The following GOLGA3 variants were observed in gnomAD, a reference collection of about 807,000 sequenced individuals.
GOLGA3 encodes golgin subfamily A member 3.
In GOLGA3, 75 loss-of-function variants were observed where a neutral mutation model predicts 169.4. The observed-to-expected ratio is 0.44, with a 90% CI of 0.37 to 0.54. The LOEUF (loss-of-function observed/expected upper bound fraction) is 0.54. GOLGA3 is among the 20% of genes least tolerant of loss of function. The pLI is 0.00. For missense variants in GOLGA3, 1,899 were observed against 1,930.0 expected (o/e 0.98, Z 0.30); for synonymous variants, 824 against 822.4 (o/e 1.00, Z -0.03).
At chr12:132,773,430 C>CTTTTT in intron 23 of GOLGA3, 136 bp from the exon 24 acceptor site, 2 of 520,742 alleles carry the variant, frequency 3.8e-6, no homozygotes, top group South Asian at 2.7e-5. Context: ...ACTGAGACCA[C>CTTTTT]AGAAGCTCAG....
Position 132,774,870 on chromosome 12 carries a change from G to C in GOLGA3, c.4143+271C>G, listed in dbSNP as rs147850891. ...CCCTTCACACACAGCAGGGACTGCC[G>C]AGTCACAGACCACCGCTCATCTGCT... On this transcript the variant is annotated intron_variant, in intron 22 of 23. Coordinates refer to ENST00000450791, the MANE Select transcript of GOLGA3 (RefSeq NM_001389683.1). The C allele has an allele frequency of 1.1e-5, 6 of 527,000 alleles. No individual in the cohort carries two copies. In the African/African-American group the frequency reaches 1.2e-4, roughly 10 times the overall value. The allele number at this position is 527,000 out of a possible 1,614,324, so 32.6% of individuals were successfully genotyped here.
intron 1 of GOLGA3, among the ~76,000 whole-genome samples, chr12:132,823,294 A>G (rs115546102): frequency 2.3e-3 from 347 of 152,374 alleles, no homozygotes; most frequent in African/African-American, 7.6e-3. Context: ...TGCTGGTGAT[A>G]TTATTAACTC....
chr12:132,807,532 G>A (rs1188245476), intron 5 of GOLGA3, among the ~76,000 whole-genome samples: 2 of 152,126 alleles, frequency 1.3e-5, no homozygotes, highest in Non-Finnish European at 2.9e-5. Flanking sequence ...GTGCAGCTTA[G>A]TGACAAGTCT....
At position 132,791,236 on chromosome 12, in the gene GOLGA3, CCTTT is replaced by C. The variant is rs755620624; in HGVS notation, c.2523_2526del (p.Ile841MetfsTer9). On this transcript the variant is annotated frameshift_variant, in exon 12 of 24. Transcript: ENST00000450791. LOFTEE classifies it high-confidence loss of function. ...TTTACCTTTTGTTGGAGAAACTGTTCCTTTATTTTTTGCATTTGCTTTTTCAGAG... is the reference window on the plus strand; with the variant it reads ...TTTACCTTTTGTTGGAGAAACTGTTCATTTTTTGCATTTGCTTTTTCAGAG... 6.2e-7 allele frequency: 1 copy of C among 1,601,712 alleles called. No homozygotes were observed. The highest frequency in any genetic ancestry group is 1.1e-5 in the South Asian group (1 of 90,626).
chr12:132,809,949 G>A (rs1052362582), intron 4 of GOLGA3, among the ~76,000 whole-genome samples: 4 of 152,018 alleles, frequency 2.6e-5, no homozygotes, highest in African/African-American at 9.7e-5. Flanking sequence ...GATAAACATA[G>A]AAATTTTCTT....
intron 17 of GOLGA3, among the ~76,000 whole-genome samples, chr12:132,781,622 T>C (rs1310290645): frequency 2.0e-5 from 3 of 152,192 alleles, no homozygotes; most frequent in East Asian, 3.9e-4. Flanking sequence ...AATCAGGGGC[T>C]GCAGCCGGGT....
In GOLGA3 at chr12:132,771,886, C is replaced by A. The variant is rs141023897; in HGVS notation, c.*1219G>T. 0.022 allele frequency: 3,430 copies of A among 152,892 alleles called. 75 individuals carry two copies. The highest frequency in any genetic ancestry group is 0.037 in the Non-Finnish European group (2,519 of 68,380). The allele number at this position is 152,892 out of a possible 1,614,324, so 9.5% of individuals were successfully genotyped here. Reference sequence around the variant, plus strand: ...TCCACCGGCCTCTCCCTGTGCCCCCCCAAAGGTCAGATCAGATATGGGGCC... The same window carrying A: ...TCCACCGGCCTCTCCCTGTGCCCCCACAAAGGTCAGATCAGATATGGGGCC... On this transcript the variant is annotated 3_prime_UTR_variant, in exon 24 of 24. Coordinates refer to ENST00000450791, the MANE Select transcript of GOLGA3 (RefSeq NM_001389683.1).
At position 132,822,072 on chromosome 12, in the gene GOLGA3, G is replaced by GA. The variant is rs1418365679; in HGVS notation, c.56_57insT (p.Ser21LeufsTer18). On this transcript the variant is annotated frameshift_variant, in exon 2 of 24. Coordinates refer to ENST00000450791, the MANE Select transcript of GOLGA3 (RefSeq NM_001389683.1). LOFTEE classifies it high-confidence loss of function. ...GTGGGGCCTCGGGGAGAGACGAGGG[G>GA]CCACTGTGGGATCTGTCCTCCTGGA... 2 of 1,606,766 alleles carry GA rather than the reference G, an allele frequency of 1.2e-6. No homozygotes were observed. Among genetic ancestry groups the GA allele is most frequent in the Non-Finnish European group, 1.7e-6 (2 of 1,177,350 alleles).
rs2044823419 is a variant in GOLGA3 at position 132,769,891 on chromosome 12, A to G, written c.*3214T>C. 1 of 152,226 alleles carries G rather than the reference A, an allele frequency of 6.6e-6. No homozygotes were observed. The highest frequency in any genetic ancestry group is 2.4e-5 in the African/African-American group (1 of 41,460). 9.4% of individuals were successfully genotyped at this position (152,226 alleles called of 1,614,324 possible). A position where few individuals can be genotyped will look rare whatever the true frequency, so the allele number is the denominator to read the frequency against. On this transcript the variant is annotated 3_prime_UTR_variant, in exon 24 of 24. Coordinates refer to ENST00000450791, the MANE Select transcript of GOLGA3 (RefSeq NM_001389683.1). Reference sequence around the variant, plus strand: ...AACTCTGGAAGGTAGAAGTGCCGGGAGAGTCCCTTGGAGATAAAAAAACCT... The same window carrying G: ...AACTCTGGAAGGTAGAAGTGCCGGGGGAGTCCCTTGGAGATAAAAAAACCT...
intron 17 of GOLGA3, 23 bp downstream of exon 17, chr12:132,782,273 G>T: frequency 6.3e-7 from 1 of 1,590,232 alleles, no homozygotes; most frequent in Non-Finnish European, 8.6e-7. Flanking sequence ...CGTTGCTGGC[G>T]TGAGTTTGAC....
intron 23 of GOLGA3, among the ~76,000 whole-genome samples, chr12:132,773,506 C>T (rs1446879729): frequency 1.3e-5 from 2 of 152,350 alleles, no homozygotes; most frequent in African/African-American, 2.4e-5. Flanking sequence ...CCTGACCAGG[C>T]GGCAGGGTGG....
At position 132,777,428 on chromosome 12, in the gene GOLGA3, G is replaced by A. The variant is rs1238452504; in HGVS notation, c.3722+238C>T. 3.3e-5 allele frequency among the ~76,000 whole-genome samples: 5 copies of A among 152,164 alleles called. No homozygotes were observed. The highest frequency in any genetic ancestry group is 2.1e-4 in the South Asian group (1 of 4,824). On this transcript the variant is annotated intron_variant, in intron 19 of 23. Coordinates refer to ENST00000450791, the MANE Select transcript of GOLGA3 (RefSeq NM_001389683.1). The surrounding 1 kb of genome is among the most constrained non-coding windows in gnomAD (Gnocchi z 4.7). ...CGCCGGGCCGCCCCTTCCCGCCTCT[G>A]ACCTGAAGCTAAGTACTCCTGCTGG...
chr12:132,783,153 G>C (rs560395078), intron 16 of GOLGA3, among the ~76,000 whole-genome samples: 4 of 152,294 alleles, frequency 2.6e-5, no homozygotes, highest in African/African-American at 9.6e-5. Flanking sequence ...CCAAGATTGT[G>C]CACTCCAGCC....
Position 132,816,607 on chromosome 12 carries a change from C to T in GOLGA3, c.339G>A (p.Glu113=), listed in dbSNP as rs1949969964. 2 of 1,614,050 alleles carry T rather than the reference C, an allele frequency of 1.2e-6. No individual in the cohort carries two copies. The highest frequency in any genetic ancestry group is 1.3e-5 in the African/African-American group (1 of 74,948). The stretch of plus-strand genomic sequence containing the variant: ...GCAAAGCTTCTTTTCTAACACTGCC[C>T]TCAGCACTAGTTCCCTGAGACTTCC... ...NLRKSQGTSA[E]GSVRKEALQS... The change falls in exon 3 of 24, where the codon GAG becomes GAA. Residue 113 remains glutamate, a synonymous_variant. Coordinates refer to ENST00000450791, the MANE Select transcript of GOLGA3 (RefSeq NM_001389683.1).
rs1215051052 is a variant in GOLGA3 at position 132,813,729 on chromosome 12, T to C, written c.407-310A>G. Among the ~76,000 whole-genome samples, 13 of 147,316 alleles carry C rather than the reference T, an allele frequency of 8.8e-5. No homozygotes were observed. In the East Asian group the frequency reaches 2.6e-3, roughly 30 times the overall value. The stretch of plus-strand genomic sequence containing the variant: ...GAAATGGCAGCAAGTGCCTTTTTTT[T>C]TTTTTTTTTTTTTGAGATGGAGTCT... On this transcript the variant is annotated intron_variant, in intron 3 of 23. Coordinates refer to ENST00000450791, the MANE Select transcript of GOLGA3 (RefSeq NM_001389683.1).
At chr12:132,785,257 G>A (rs10870511) in intron 15 of GOLGA3, among the ~76,000 whole-genome samples, 24,637 of 152,208 alleles carry the variant, frequency 0.16, 2,327 homozygotes, top group Middle Eastern at 0.22. Flanking sequence ...AATGGCAACT[G>A]AATCAATCTC....
Position 132,808,229 on chromosome 12 carries a change from C to T in GOLGA3, c.840G>A (p.Ala280=), listed in dbSNP as rs766089220. The change falls in exon 5 of 24, where the codon GCG becomes GCA. Residue 280 remains alanine, a synonymous_variant. Coordinates refer to ENST00000450791, the MANE Select transcript of GOLGA3 (RefSeq NM_001389683.1). Reference sequence around the variant, plus strand: ...GGCTGATCTCAGACACAACGGACGCCGCACTGCTTCTGTTCTGCTTCAGGG... The same window carrying T: ...GGCTGATCTCAGACACAACGGACGCTGCACTGCTTCTGTTCTGCTTCAGGG... ...KGSLKQNRSS[A]ASVVSEISLS... The T allele has an allele frequency of 2.3e-5, 37 of 1,613,906 alleles. No homozygotes were observed. Among genetic ancestry groups the T allele is most frequent in the African/African-American group, 1.1e-4 (8 of 74,908 alleles).
intron 9 of GOLGA3, among the ~76,000 whole-genome samples, chr12:132,797,422 TC>T (rs1948901179): frequency 6.6e-6 from 1 of 152,076 alleles, no homozygotes; most frequent in African/African-American, 2.4e-5. Flanking sequence ...GGTGACACTA[TC>T]CCCATTTTAT....
intron 1 of GOLGA3, among the ~76,000 whole-genome samples, chr12:132,827,356 G>T (rs114600118): frequency 1.9e-3 from 287 of 152,312 alleles, no homozygotes; most frequent in African/African-American, 6.7e-3. Flanking sequence ...TGGAAGTCAG[G>T]ACTCCGGCCT....
Sources: gnomAD v4.1 joint callset for allele counts (sites outside exome capture counted in the v4.1 genomes callset) on GRCh38, gnomAD v4.1.1 for gene constraint, Gnocchi (gnomAD v3.1) non-coding constraint, MANE v1.5 for transcripts, NCBI Gene and HGNC (gene_info 2026-07-23, HGNC 2026-07-21) for gene names.